The following TDRD3 variants were observed in gnomAD, a reference collection of about 807,000 sequenced individuals.
The protein encoded by TDRD3 is tudor domain containing 3, also known as tudor domain-containing protein 3.
In TDRD3, 45 loss-of-function variants were observed where a neutral mutation model predicts 86.7. The ratio of observed to expected loss-of-function variants is 0.52; its 90% CI spans 0.41 to 0.67. TDRD3 has a LOEUF of 0.67. Among genes scored for constraint, TDRD3 ranks in the 30% least tolerant of loss-of-function variants. The pLI is 0.00. For missense variants in TDRD3, 814 were observed against 889.0 expected (o/e 0.92, Z 1.07); for synonymous variants, 298 against 301.7 (o/e 0.99, Z 0.13).
At chr13:60,423,269 C>T (rs138567574) in intron 1 of TDRD3, among the ~76,000 whole-genome samples, 3 of 152,252 alleles carry the variant, frequency 2.0e-5, no homozygotes, top group South Asian at 2.1e-4. Context: ...GATAGAGCAA[C>T]TGGCTTTCTG....
rs202240390 is a variant in TDRD3, at chr13:60,460,451, T to A, written c.264T>A (p.Ser88=). The stretch of plus-strand genomic sequence containing the variant: ...CTGCACCAAAGGATAATGAAGAATC[T>A]CAGGCTGCACCAAGGATGCTGCGAT... ...NVAAPKDNEE[S]QAAPRMLRLQ... The change falls in exon 4 of 14, where the codon TCT becomes TCA. Residue 88 remains serine, a synonymous_variant. Transcript: ENST00000377881. 3.7e-6 allele frequency: 6 copies of A among 1,603,862 alleles called. No homozygotes were observed. In the African/African-American group the frequency reaches 6.7e-5, roughly 18 times the overall value.
chr13:60,467,795 C>T (rs1361367686), intron 5 of TDRD3, among the ~76,000 whole-genome samples: 1 of 152,212 alleles, frequency 6.6e-6, no homozygotes, highest in Non-Finnish European at 1.5e-5. Context: ...TCTTGTTGCA[C>T]TTGACTTCCT....
intron 5 of TDRD3, among the ~76,000 whole-genome samples, chr13:60,474,108 G>A (rs963407473): frequency 1.2e-4 from 19 of 152,174 alleles, no homozygotes; most frequent in Admixed American, 7.2e-4. Flanking sequence ...CCACCTTTTA[G>A]ATAGCAGTAG....
At chr13:60,528,292 A>G in intron 10 of TDRD3, 75 bp from the exon 11 acceptor site, 8 of 1,423,784 alleles carry the variant, frequency 5.6e-6, no homozygotes, top group African/African-American at 1.4e-5. Flanking sequence ...GTATTAATAG[A>G]ATAAAGCATT....
intron 3 of TDRD3, among the ~76,000 whole-genome samples, chr13:60,451,804 A>G (rs988066407): frequency 6.6e-6 from 1 of 152,174 alleles, no homozygotes. Flanking sequence ...TTGTGATTGT[A>G]AAATACATTA....
At chr13:60,572,790 C>T (rs1167909030) in intron 13 of TDRD3, among the ~76,000 whole-genome samples, 1 of 150,838 alleles carries the variant, frequency 6.6e-6, no homozygotes, top group Non-Finnish European at 1.5e-5. Flanking sequence ...CCATTTTTAA[C>T]TACTAAAAGA....
At chr13:60,552,803 C>T (rs571847968) in intron 12 of TDRD3, among the ~76,000 whole-genome samples, 129 of 152,340 alleles carry the variant, frequency 8.5e-4, no homozygotes, top group Admixed American at 1.7e-3. Flanking sequence ...ACGTGGAAGC[C>T]GCTAAGGCTT....
intron 12 of TDRD3, among the ~76,000 whole-genome samples, chr13:60,555,848 C>CTTTTTTTTTTTTTTTTTTTT (rs770710929): frequency 1.5e-5 from 2 of 136,138 alleles, no homozygotes; most frequent in Non-Finnish European, 3.2e-5. Flanking sequence ...CAACCTATTT[C>CTTTTTTTTTTTTTTTTTTTT]TTTCTTTTTT....
intron 2 of TDRD3, among the ~76,000 whole-genome samples, chr13:60,441,651 G>A (rs9528138): frequency 0.2 from 30,239 of 151,970 alleles, 3,617 homozygotes; most frequent in South Asian, 0.29. Context: ...TGAGAAAGAC[G>A]TGTATTATTG....
chr13:60,509,606 C>T (rs1282372088), intron 8 of TDRD3, 157 bp from the exon 9 acceptor site: 2 of 895,370 alleles, frequency 2.2e-6, no homozygotes, highest in East Asian at 2.5e-5. Flanking sequence ...TTCTTCCTTG[C>T]CTCTTGTAAA....
intron 10 of TDRD3, among the ~76,000 whole-genome samples, chr13:60,524,466 C>G (rs186580082): frequency 4.6e-5 from 7 of 151,198 alleles, no homozygotes; most frequent in Admixed American, 6.6e-5. Context: ...GAGACTGCAC[C>G]ACTGTACTCC....
intron 1 of TDRD3, among the ~76,000 whole-genome samples, chr13:60,397,787 A>G (rs1495276): frequency 0.47 from 70,960 of 151,598 alleles, 16,990 homozygotes; most frequent in South Asian, 0.55. Flanking sequence ...GTGTTTCTGC[A>G]GCGGGATCGG....
chr13:60,494,687 T>C, intron 8 of TDRD3, 112 bp downstream of exon 8: 3 of 928,702 alleles, frequency 3.2e-6, no homozygotes, highest in Admixed American at 6.0e-5. Context: ...ATAGATGTTA[T>C]AACTCTTGAA....
intron 12 of TDRD3, among the ~76,000 whole-genome samples, chr13:60,561,524 G>A (rs536497781): frequency 6.6e-6 from 1 of 152,116 alleles, no homozygotes; most frequent in African/African-American, 2.4e-5. Context: ...TTTAACCTAG[G>A]CCCATATATT....
chr13:60,547,284 G>T, intron 12 of TDRD3: 1 of 985,384 alleles, frequency 1.0e-6, no homozygotes, highest in Non-Finnish European at 1.2e-6. Context: ...ATCCTGAAAG[G>T]ATTTGGTGAA....
At chr13:60,469,964 G>C (rs1355928333) in intron 5 of TDRD3, among the ~76,000 whole-genome samples, 2 of 152,066 alleles carry the variant, frequency 1.3e-5, no homozygotes, top group African/African-American at 4.8e-5. Flanking sequence ...TTGTTGCACA[G>C]CTGGTACCAC....
intron 8 of TDRD3, among the ~76,000 whole-genome samples, chr13:60,495,696 C>A (rs1314418477): frequency 2.6e-5 from 4 of 152,210 alleles, no homozygotes; most frequent in African/African-American, 9.6e-5. Context: ...AACTCCTGAC[C>A]TCAGATGATC....
At chr13:60,422,222 G>C (rs1954676656) in intron 1 of TDRD3, among the ~76,000 whole-genome samples, 2 of 152,098 alleles carry the variant, frequency 1.3e-5, no homozygotes, top group South Asian at 4.1e-4. Flanking sequence ...GAAGGAAAAG[G>C]GAAAAATTAA....
intron 5 of TDRD3, among the ~76,000 whole-genome samples, chr13:60,474,377 C>G (rs140288108): frequency 7.9e-5 from 12 of 152,316 alleles, no homozygotes; most frequent in East Asian, 1.9e-4. Context: ...AGTGGCCCCC[C>G]CCGGGCCCAG....
Sources: allele counts gnomAD v4.1 joint callset (sites outside exome capture counted in the v4.1 genomes callset), GRCh38; gene constraint gnomAD v4.1.1; transcripts MANE v1.5; gene names NCBI Gene and HGNC (gene_info 2026-07-23, HGNC 2026-07-21).